The following ATP6V1E2 variants were observed in gnomAD, a reference collection of about 807,000 sequenced individuals.
The protein encoded by ATP6V1E2 is ATPase H+ transporting V1 subunit E2.
For synonymous variants in ATP6V1E2, 121 were observed against 104.2 expected (o/e 1.16, Z -0.98); for missense variants, 308 against 273.3 (o/e 1.13, Z -0.90).
intron 3 of ATP6V1E2, 38 bp downstream of exon 3, chr2:46,536,573 A>G (rs1667456228): frequency 6.6e-6 from 1 of 152,296 alleles, no homozygotes; most frequent in African/African-American, 2.4e-5. Context: ...GCAGGGCAGC[A>G]CCAGTGTTAA....
chr2:46,530,919 C>T lies in ATP6V1E2; in HGVS notation c.-102+4894G>A, dbSNP rs919374751. On this transcript the variant is annotated intron_variant, in intron 4 of 4. Coordinates refer to ENST00000522587, the MANE Select transcript of ATP6V1E2 (RefSeq NM_001318063.2). This position sits in a 1 kb window ranked among gnomAD's most constrained non-coding sequence, Gnocchi z 5.2. Reference sequence around the variant, plus strand: ...ATGATTCAGTTACTTCCCACCGGGCCCCTCCCGTGGCACGTGGGAATTATG... The same window carrying T: ...ATGATTCAGTTACTTCCCACCGGGCTCCTCCCGTGGCACGTGGGAATTATG... Among the ~76,000 whole-genome samples the T allele has an allele frequency of 5.9e-5, 9 of 152,312 alleles. No individual in the cohort carries two copies. The highest frequency in any genetic ancestry group is 3.4e-3 in the Middle Eastern group (1 of 294).
chr2:46,513,292 G>T (rs370326207), intron 4 of ATP6V1E2, among the ~76,000 whole-genome samples: 1 of 152,124 alleles, frequency 6.6e-6, no homozygotes, highest in East Asian at 1.9e-4. Flanking sequence ...ACTACTAAGC[G>T]GAAAATGGCA....
At chr2:46,517,384 A>G (rs1468123393) in intron 4 of ATP6V1E2, among the ~76,000 whole-genome samples, 1 of 152,244 alleles carries the variant, frequency 6.6e-6, no homozygotes, top group Non-Finnish European at 1.5e-5. Flanking sequence ...AAATTCCTAG[A>G]AAGAAACAAA....
intron 4 of ATP6V1E2, chr2:46,528,181 G>GT (rs1417532351): frequency 6.6e-6 from 1 of 152,236 alleles, no homozygotes; most frequent in Middle Eastern, 3.2e-3. Context: ...CATAATATAT[G>GT]TATGTGTATG....
Position 46,512,744 on chromosome 2 carries a change from C to A in ATP6V1E2, c.-33G>T. 2 of 1,570,068 alleles carry A rather than the reference C, an allele frequency of 1.3e-6. No individual in the cohort carries two copies. On this transcript the variant is annotated 5_prime_UTR_variant, in exon 5 of 5. Coordinates refer to ENST00000522587, the MANE Select transcript of ATP6V1E2 (RefSeq NM_001318063.2). Reference sequence around the variant, plus strand: ...CTCAGAGGGGACGGCAGAGAGGGAGCTCGTACACCGTTTGGCTCCTTTGAC... The same window carrying A: ...CTCAGAGGGGACGGCAGAGAGGGAGATCGTACACCGTTTGGCTCCTTTGAC...
intron 4 of ATP6V1E2, among the ~76,000 whole-genome samples, chr2:46,513,432 T>C (rs2103821352): frequency 6.6e-6 from 1 of 152,356 alleles, no homozygotes; most frequent in South Asian, 2.1e-4. Context: ...GTCTGTAAGC[T>C]CCATTTGGTC....
intron 4 of ATP6V1E2, among the ~76,000 whole-genome samples, chr2:46,522,723 T>G (rs1666703210): frequency 6.6e-6 from 1 of 152,182 alleles, no homozygotes; most frequent in Admixed American, 6.5e-5. Flanking sequence ...GTCTTTATAG[T>G]AGAATGATTT....
chr2:46,533,566 A>G (rs1667296465), intron 4 of ATP6V1E2, among the ~76,000 whole-genome samples: 1 of 152,176 alleles, frequency 6.6e-6, no homozygotes, highest in African/African-American at 2.4e-5. Flanking sequence ...GAGCCACCAT[A>G]CCCGGCCAAG....
At chr2:46,517,430 T>A (rs1440923807) in intron 4 of ATP6V1E2, among the ~76,000 whole-genome samples, 1 of 152,210 alleles carries the variant, frequency 6.6e-6, no homozygotes, top group African/African-American at 2.4e-5. Flanking sequence ...TTGCCAATGA[T>A]TTCTTGGATA....
Position 46,511,934 on chromosome 2 carries a change from A to C in ATP6V1E2, c.*97T>G. 1.8e-6 allele frequency: 2 copies of C among 1,084,212 alleles called. No individual in the cohort carries two copies. Among genetic ancestry groups the C allele is most frequent in the East Asian group, 4.9e-5 (2 of 41,158 alleles). The allele number at this position is 1,084,212 out of a possible 1,614,324, so 67.2% of individuals were successfully genotyped here. On this transcript the variant is annotated 3_prime_UTR_variant, in exon 5 of 5. Transcript: ENST00000522587. ...GTGAAGAAAAACAGAACAGTATCAGAGCATCAAAGAGGAGGAAACACTACT... is the reference window on the plus strand; with the variant it reads ...GTGAAGAAAAACAGAACAGTATCAGCGCATCAAAGAGGAGGAAACACTACT...
chr2:46,522,438 T>C (rs560327980), intron 4 of ATP6V1E2, among the ~76,000 whole-genome samples: 17 of 147,936 alleles, frequency 1.1e-4, no homozygotes, highest in African/African-American at 4.3e-4. Context: ...TTCCCCTCCC[T>C]GTGTCCATGT....
At chr2:46,513,356 A>T (rs1324609742) in intron 4 of ATP6V1E2, among the ~76,000 whole-genome samples, 1 of 152,188 alleles carries the variant, frequency 6.6e-6, no homozygotes, top group Non-Finnish European at 1.5e-5. Context: ...ATCCTAAAGA[A>T]TGTTCCATGT....
At chr2:46,521,674 T>C (rs764589029) in intron 4 of ATP6V1E2, among the ~76,000 whole-genome samples, 10 of 152,096 alleles carry the variant, frequency 6.6e-5, no homozygotes, top group Admixed American at 2.0e-4. Context: ...GCATCCCCTC[T>C]TCTGTCTTTC....
intron 4 of ATP6V1E2, among the ~76,000 whole-genome samples, chr2:46,529,980 C>T (rs922881959): frequency 6.6e-5 from 10 of 152,174 alleles, no homozygotes; most frequent in South Asian, 2.1e-4. Flanking sequence ...GAAATGTTTT[C>T]GAACCAGAAA....
At chr2:46,524,439 G>C (rs1011075441) in intron 4 of ATP6V1E2, among the ~76,000 whole-genome samples, 1 of 152,176 alleles carries the variant, frequency 6.6e-6, no homozygotes, top group African/African-American at 2.4e-5. Flanking sequence ...AAAGTTGGTA[G>C]TATTTATTAA....
intron 4 of ATP6V1E2, among the ~76,000 whole-genome samples, chr2:46,520,634 C>T (rs183679805): frequency 1.3e-5 from 2 of 152,350 alleles, no homozygotes; most frequent in East Asian, 3.9e-4. Context: ...TAAGCCCCAC[C>T]ACTCCTTGAT....
At chr2:46,520,195 G>A (rs1361206962) in intron 4 of ATP6V1E2, among the ~76,000 whole-genome samples, 21 of 152,212 alleles carry the variant, frequency 1.4e-4, no homozygotes, top group Non-Finnish European at 1.5e-5. Context: ...GCAGGGCAGG[G>A]CAGGGTTAAA....
intron 2 of ATP6V1E2, among the ~76,000 whole-genome samples, chr2:46,539,571 C>A (rs977926926): frequency 6.6e-6 from 1 of 152,246 alleles, no homozygotes; most frequent in African/African-American, 2.4e-5. Context: ...ACTGCCCAAC[C>A]CATGCCAGAC....
intron 1 of ATP6V1E2, chr2:46,541,908 C>T (rs1259910428): frequency 6.6e-6 from 1 of 152,270 alleles, no homozygotes; most frequent in Non-Finnish European, 1.5e-5. Flanking sequence ...CTTTGAGGAA[C>T]ATTGGGGACC....
Sources: allele counts gnomAD v4.1 joint callset (sites outside exome capture counted in the v4.1 genomes callset), GRCh38; gene constraint gnomAD v4.1.1; non-coding constraint Gnocchi (gnomAD v3.1); transcripts MANE v1.5; gene names NCBI Gene and HGNC (gene_info 2026-07-23, HGNC 2026-07-21).